ATXN2: variants seen among roughly 807,000 people sequenced by gnomAD.
The protein encoded by ATXN2 is ataxin 2, also known as ataxin-2.
In ATXN2, 37 loss-of-function variants were observed where a neutral mutation model predicts 138.6. The observed-to-expected ratio is 0.27, with a 90% confidence interval of 0.21 to 0.35. The LOEUF is 0.35. Ranked by LOEUF, ATXN2 falls within the 10% of genes least tolerant of loss-of-function variation. The pLI is 1.00. For missense variants in ATXN2, 1,216 were observed against 1,480.3 expected, an observed-to-expected ratio of 0.82 and a Z score of 2.93; for synonymous variants, 549 against 543.7, an observed-to-expected ratio of 1.01 and a Z score of -0.13.
chr12:111,482,987 A>G (rs914981661), intron 18 of ATXN2, among the ~76,000 whole-genome samples: 5 of 152,064 alleles, frequency 3.3e-5, no homozygotes, highest in African/African-American at 1.2e-4. Flanking sequence ...CAGGAGTTTG[A>G]GACCAGCCTA....
At chr12:111,595,444 C>A (rs866461272) in intron 1 of ATXN2, among the ~76,000 whole-genome samples, 5 of 151,002 alleles carry the variant, frequency 3.3e-5, no homozygotes, top group Non-Finnish European at 5.9e-5. Flanking sequence ...TAGTACGAGA[C>A]CAAACTGGCC....
At chr12:111,520,699 G>T (rs917005703) in intron 7 of ATXN2, among the ~76,000 whole-genome samples, 183 bp downstream of exon 7, 3 of 151,790 alleles carry the variant, frequency 2.0e-5, no homozygotes, top group Non-Finnish European at 2.9e-5. Context: ...ATAAAAACAG[G>T]GTATAGGCAA....
At chr12:111,513,574 A>G (rs1310455077) in intron 10 of ATXN2, 35 bp from the exon 11 acceptor site, 2 of 1,584,792 alleles carry the variant, frequency 1.3e-6, no homozygotes, top group East Asian at 2.3e-5. Context: ...CATAAATTCC[A>G]TGATATTCAT....
At chr12:111,571,160 T>C (rs1342649581) in intron 1 of ATXN2, among the ~76,000 whole-genome samples, 2 of 152,222 alleles carry the variant, frequency 1.3e-5, no homozygotes, top group Non-Finnish European at 2.9e-5. Context: ...GGGATGCGAA[T>C]ACTAATTGTA....
chr12:111,592,015 G>A (rs1884689781), intron 1 of ATXN2, among the ~76,000 whole-genome samples: 1 of 151,502 alleles, frequency 6.6e-6, no homozygotes, highest in African/African-American at 2.4e-5. Flanking sequence ...CCGGGAAACA[G>A]AGGTTGCAGT....
intron 1 of ATXN2, among the ~76,000 whole-genome samples, chr12:111,569,447 G>A (rs1221590595): frequency 6.6e-6 from 1 of 152,126 alleles, no homozygotes. Context: ...AGAAAAAAAA[G>A]GCCAGTCGCA....
At chr12:111,506,835 CG>C (rs1474078217) in intron 14 of ATXN2, among the ~76,000 whole-genome samples, 1 of 152,106 alleles carries the variant, frequency 6.6e-6, no homozygotes, top group Non-Finnish European at 1.5e-5. Context: ...GACTGGTTTT[CG>C]TATTTTTTTG....
At chr12:111,488,924 T>G (rs556442195) in intron 14 of ATXN2, 144 bp from the exon 15 acceptor site, 14 of 722,928 alleles carry the variant, frequency 1.9e-5, no homozygotes, top group Non-Finnish European at 2.9e-5. Context: ...GTAATGCTTT[T>G]ACTATAAACT....
chr12:111,577,890 G>A (rs1190297899), intron 1 of ATXN2, among the ~76,000 whole-genome samples: 2 of 151,612 alleles, frequency 1.3e-5, no homozygotes. Flanking sequence ...AACGCCCTGG[G>A]CAATACAGCA....
chr12:111,537,455 C>T (rs58788675), intron 5 of ATXN2, among the ~76,000 whole-genome samples: 1,945 of 151,900 alleles, frequency 0.013, 49 homozygotes, highest in African/African-American at 0.045. Context: ...TGGTGGCAGG[C>T]GCCTATAGTC....
rs766803619 is a variant in ATXN2, at chr12:111,485,730, C to G, written c.2440G>C (p.Val814Leu). The G allele has an allele frequency of 1.9e-6, 3 of 1,613,922 alleles. No individual in the cohort carries two copies. Among genetic ancestry groups the G allele is most frequent in the African/African-American group, 1.3e-5 (1 of 74,902 alleles). The change falls in exon 17 of 25, where the codon GTG becomes CTG. Residue 814 changes from valine to leucine, a missense_variant. By Grantham distance (32) the Val-to-Leu change is conservative. Transcript: ENST00000673436. ...FAPNMMYPVPVSPGVQPLYPI... is the reference protein window; with the variant it reads ...FAPNMMYPVPLSPGVQPLYPI... ...TGACTTACTTGCACGCCTGGGCTCA[C>G]TGGGACTGGATACATCATATTTGGT...
At position 111,453,305 on chromosome 12, in the gene ATXN2, A is replaced by G. The variant is rs1404709381; in HGVS notation, c.3439+372T>C. The G allele has an allele frequency of 1.9e-6, 2 of 1,064,278 alleles. No individual in the cohort carries two copies. Among genetic ancestry groups the G allele is most frequent in the African/African-American group, 3.3e-5 (2 of 59,840 alleles). The allele number at this position is 1,064,278 out of a possible 1,614,324, so 65.9% of individuals were successfully genotyped here. Reference sequence around the variant, plus strand: ...AGTATCTTCTCCAGAGCTACAATCAAACTCTGCCATGGTAATAACCCCCCA... The same window carrying G: ...AGTATCTTCTCCAGAGCTACAATCAGACTCTGCCATGGTAATAACCCCCCA... On this transcript the variant is annotated intron_variant, in intron 24 of 24. Transcript: ENST00000673436. The surrounding 1 kb of genome is among the most constrained non-coding windows in gnomAD (Gnocchi z 5.4).
intron 1 of ATXN2, among the ~76,000 whole-genome samples, chr12:111,570,708 C>G (rs1013107145): frequency 1.3e-5 from 2 of 152,162 alleles, no homozygotes; most frequent in Non-Finnish European, 2.9e-5. Context: ...TTCTTCACTG[C>G]CCACCCATGG....
chr12:111,541,423 C>T (rs1018268545), intron 5 of ATXN2, among the ~76,000 whole-genome samples: 31 of 137,074 alleles, frequency 2.3e-4, no homozygotes, highest in South Asian at 2.0e-3. Context: ...GCGATCTCGG[C>T]TCACTGCAAC....
intron 14 of ATXN2, among the ~76,000 whole-genome samples, chr12:111,493,540 A>G (rs1321640865): frequency 6.6e-6 from 1 of 152,074 alleles, no homozygotes; most frequent in Non-Finnish European, 1.5e-5. Flanking sequence ...AATACAGAAT[A>G]TTGTAACACT....
At chr12:111,524,933 ATTTAT>A (rs1880396371) in intron 6 of ATXN2, among the ~76,000 whole-genome samples, 1 of 152,174 alleles carries the variant, frequency 6.6e-6, no homozygotes, top group Admixed American at 6.5e-5. Context: ...ACTTCTTATT[ATTTAT>A]TTTAATCACA....
chr12:111,508,655 C>G (rs879532490), intron 14 of ATXN2, among the ~76,000 whole-genome samples: 4 of 151,862 alleles, frequency 2.6e-5, no homozygotes, highest in Non-Finnish European at 5.9e-5. Flanking sequence ...CCATGTTGAC[C>G]AGGCTGGTCT....
At chr12:111,472,445 A>T (rs759681082) in intron 18 of ATXN2, among the ~76,000 whole-genome samples, 3 of 152,214 alleles carry the variant, frequency 2.0e-5, no homozygotes, top group Non-Finnish European at 2.9e-5. Flanking sequence ...ATGGTACTTC[A>T]TAAGTAATTA....
chr12:111,482,190 ATTT>A (rs1164424839), intron 18 of ATXN2, among the ~76,000 whole-genome samples: 7,657 of 101,464 alleles, frequency 0.075, 643 homozygotes, highest in African/African-American at 0.28. Context: ...TTTCTCTACT[ATTT>A]TTTTTTTTTT....
Sources: allele counts gnomAD v4.1 joint callset (sites outside exome capture counted in the v4.1 genomes callset), GRCh38; gene constraint gnomAD v4.1.1; non-coding constraint Gnocchi (gnomAD v3.1); transcripts MANE v1.5; gene names NCBI Gene and HGNC (gene_info 2026-07-23, HGNC 2026-07-21).